The following LTBP1 variants were observed in gnomAD, a reference collection of about 807,000 sequenced individuals.
LTBP1 encodes the protein latent-transforming growth factor beta-binding protein 1.
Under a neutral mutation model 207.6 loss-of-function variants are expected in LTBP1, and 129 were observed. That is an observed-to-expected ratio of 0.62 (90% CI 0.54 to 0.72). LTBP1 has a LOEUF of 0.72. Among genes scored for constraint, LTBP1 ranks in the 30% least tolerant of loss-of-function variants. The pLI, the probability that LTBP1 is intolerant of heterozygous loss-of-function variation, is 0.00. For synonymous variants in LTBP1, 963 were observed against 833.7 expected, an observed-to-expected ratio of 1.16 and a Z score of -2.67; for missense variants, 2,281 against 2,217.2, an observed-to-expected ratio of 1.03 and a Z score of -0.58.
chr2:33,010,119 G>C (rs907340661), intron 2 of LTBP1, among the ~76,000 whole-genome samples: 1 of 152,196 alleles, frequency 6.6e-6, no homozygotes, highest in East Asian at 1.9e-4. Flanking sequence ...GGGACATGGG[G>C]AGGAGGAGGG....
intron 3 of LTBP1, among the ~76,000 whole-genome samples, chr2:33,083,080 C>T (rs1408802407): frequency 1.3e-5 from 2 of 151,900 alleles, no homozygotes; most frequent in African/African-American, 2.4e-5. Context: ...TGCTTGTGAA[C>T]CCAGAAACCC....
At chr2:33,139,241 G>A (rs989525531) in intron 5 of LTBP1, among the ~76,000 whole-genome samples, 3 of 152,046 alleles carry the variant, frequency 2.0e-5, no homozygotes, top group Non-Finnish European at 4.4e-5. Flanking sequence ...GCAAATATGA[G>A]CCCTGTTGCT....
rs117325976 is a variant in LTBP1, at chr2:33,238,810, G to T, written c.1877-4852G>T. 5.6e-4 allele frequency among the ~76,000 whole-genome samples: 86 copies of T among 152,304 alleles called. 1 individual carries two copies. In the East Asian group the frequency reaches 0.016, roughly 28 times the overall value. On this transcript the variant is annotated intron_variant, in intron 9 of 33. Transcript: ENST00000404816. ...TTGTGAAGTTCCAGTGAGATACGGT[G>T]TGCTATAGAAATGTAAAGAATCCTG...
rs1394665370 is a variant in LTBP1 at position 33,002,221 on chromosome 2, A to G, written c.566-18688A>G. Reference sequence around the variant, plus strand: ...TTCAGCTCTGTGGTGGAAAATATTTAACTTCAATTTTCAGAAGTACACCTG... The same window carrying G: ...TTCAGCTCTGTGGTGGAAAATATTTGACTTCAATTTTCAGAAGTACACCTG... On this transcript the variant is annotated intron_variant, in intron 2 of 33. Transcript: ENST00000404816. 1.6e-4 allele frequency among the ~76,000 whole-genome samples: 13 copies of G among 79,374 alleles called. 3 individuals carry two copies. In the Admixed American group the frequency reaches 1.8e-3, roughly 11 times the overall value. The allele number at this position is 79,374 out of a possible 152,430, so 52.1% of individuals were successfully genotyped here.
intron 2 of LTBP1, among the ~76,000 whole-genome samples, chr2:33,007,056 A>C (rs1265865320): frequency 2.0e-5 from 3 of 152,196 alleles, no homozygotes; most frequent in Non-Finnish European, 2.9e-5. Flanking sequence ...CTTGGGCATC[A>C]GTGACATTTG....
At chr2:33,232,882 T>C (rs2091866152) in intron 9 of LTBP1, among the ~76,000 whole-genome samples, 1 of 152,166 alleles carries the variant, frequency 6.6e-6, no homozygotes, top group Non-Finnish European at 1.5e-5. Flanking sequence ...TCCAGGTTGA[T>C]AGTTGTTTTC....
chr2:33,280,464 A>G (rs1415749393), intron 19 of LTBP1, among the ~76,000 whole-genome samples: 1 of 152,212 alleles, frequency 6.6e-6, no homozygotes, highest in Non-Finnish European at 1.5e-5. Context: ...TGGAGAGCAA[A>G]ACACTTAAAA....
chr2:33,238,180 T>G (rs545575016), intron 9 of LTBP1, among the ~76,000 whole-genome samples: 36 of 152,328 alleles, frequency 2.4e-4, no homozygotes, highest in African/African-American at 7.9e-4. Flanking sequence ...GGAATTTATA[T>G]TTACTAGCAA....
chr2:33,385,467 A>T (rs1202778451), intron 31 of LTBP1, among the ~76,000 whole-genome samples: 2 of 152,264 alleles, frequency 1.3e-5, no homozygotes, highest in Non-Finnish European at 2.9e-5. Flanking sequence ...CACAGGAAAA[A>T]ATTGGATTCT....
At chr2:33,180,654 C>T (rs901048850) in intron 5 of LTBP1, among the ~76,000 whole-genome samples, 1 of 151,994 alleles carries the variant, frequency 6.6e-6, no homozygotes, top group African/African-American at 2.4e-5. Flanking sequence ...CGGGGGTATG[C>T]CTTGTTGACC....
intron 3 of LTBP1, among the ~76,000 whole-genome samples, chr2:33,030,253 G>A (rs2075629782): frequency 1.3e-5 from 2 of 152,062 alleles, no homozygotes; most frequent in South Asian, 4.1e-4. Context: ...AGAAGACATA[G>A]ACATTTTGAC....
At chr2:33,079,889 T>G (rs1270374141) in intron 3 of LTBP1, among the ~76,000 whole-genome samples, 2 of 152,204 alleles carry the variant, frequency 1.3e-5, no homozygotes, top group African/African-American at 4.8e-5. Flanking sequence ...ATATGCTTCT[T>G]TACTCCTTTT....
chr2:33,275,667 A>G (rs1814548), intron 17 of LTBP1, 134 bp from the exon 18 acceptor site: 72,691 of 1,086,110 alleles, frequency 0.067, 2,937 homozygotes, highest in South Asian at 0.097. Context: ...CTGGGCAACA[A>G]GAGCGAAACT....
chr2:33,188,794 C>T lies in LTBP1; in HGVS notation c.1644C>T (p.Tyr548=). The T allele has an allele frequency of 6.2e-7, 1 of 1,614,194 alleles. No individual in the cohort carries two copies. The highest frequency in any genetic ancestry group is 8.5e-7 in the Non-Finnish European group (1 of 1,180,040). ...YSHQQVIPHV[Y]PVAAKTQLGR... ...ACCAGCAGGTCATTCCTCACGTCTA[C>T]CCCGTGGCTGCTAAGACACAGCTTG... is the stretch of plus-strand genomic sequence containing the variant. The change falls in exon 7 of 34, where the codon TAC becomes TAT. Residue 548 remains tyrosine, a synonymous_variant. Coordinates refer to ENST00000404816, the MANE Select transcript of LTBP1 (RefSeq NM_206943.4).
intron 7 of LTBP1, among the ~76,000 whole-genome samples, chr2:33,190,117 T>G (rs2087689135): frequency 1.3e-5 from 2 of 152,224 alleles, no homozygotes. Context: ...TATCATAAAG[T>G]GAGAGAAAGG....
intron 26 of LTBP1, among the ~76,000 whole-genome samples, chr2:33,351,799 T>A (rs2094785359): frequency 6.6e-6 from 1 of 152,236 alleles, no homozygotes; most frequent in African/African-American, 2.4e-5. Context: ...TCCTCCTGCA[T>A]CTTGGACTAG....
In LTBP1 at chr2:33,360,738, G is replaced by A; in HGVS notation, c.4142G>A (p.Gly1381Glu). ...TGCTGTACATCAGGCGTGGGATGGG[G>A]AGATAACTGCGAAATCTTCCCCTGC... is the stretch of plus-strand genomic sequence containing the variant. ...ECCCTSGVGW[G>E]DNCEIFPCPV... The change falls in exon 27 of 34, where the codon GGA (glycine) becomes GAA (glutamate). Residue 1381 changes from glycine to glutamate, a missense_variant. Coordinates refer to ENST00000404816, the MANE Select transcript of LTBP1 (RefSeq NM_206943.4). 6.2e-7 allele frequency: 1 copy of A among 1,614,002 alleles called. No homozygotes were observed. The highest frequency in any genetic ancestry group is 8.5e-7 in the Non-Finnish European group (1 of 1,179,892).
At chr2:33,281,796 A>G (rs959103318) in intron 19 of LTBP1, among the ~76,000 whole-genome samples, 1 of 152,194 alleles carries the variant, frequency 6.6e-6, no homozygotes. Context: ...CTGACCAAAA[A>G]GTATTAATAT....
rs551243919 is a variant in LTBP1, at chr2:33,280,166, C to T, written c.3112+8C>T. On this transcript the variant is annotated splice_region_variant and intron_variant, in intron 19 of 33. Transcript: ENST00000404816. ...GGAATGGACAGTGCCTTGGTAGGTA[C>T]TATAGTGTACTTATCAAAGATTTGT... 1.1e-4 allele frequency: 170 copies of T among 1,604,542 alleles called. 2 individuals carry two copies. In the South Asian group the frequency reaches 1.8e-3, roughly 17 times the overall value.
Sources: gnomAD v4.1 joint callset for allele counts (sites outside exome capture counted in the v4.1 genomes callset) on GRCh38, gnomAD v4.1.1 for gene constraint, MANE v1.5 for transcripts, NCBI Gene and HGNC (gene_info 2026-07-23, HGNC 2026-07-21) for gene names.